Variants in TACC1 observed in about 807,000 individuals in gnomAD.
TACC1 encodes transforming acidic coiled-coil-containing protein 1.
A neutral mutation model predicts 84.4 loss-of-function variants in TACC1; 48 were observed. That is an observed-to-expected ratio of 0.57 (90% CI 0.45 to 0.72). The LOEUF (loss-of-function observed/expected upper bound fraction) is 0.72. Among genes scored for constraint, TACC1 ranks in the 30% least tolerant of loss-of-function variants. The pLI, the probability that TACC1 is intolerant of heterozygous loss-of-function variation, is 0.00. For missense variants in TACC1, 920 were observed against 973.0 expected (o/e 0.95, Z 0.72); for synonymous variants, 372 against 376.3 (o/e 0.99, Z 0.13).
chr8:38,825,205 G>T, intron 3 of TACC1, 103 bp from the exon 4 acceptor site: 1 of 1,196,476 alleles, frequency 8.4e-7, no homozygotes. Context: ...GGTGCTGTAT[G>T]CTTTGGCTTC....
upstream of TACC1, among the ~76,000 whole-genome samples, chr8:38,785,024 G>A (rs7813336): frequency 0.024 from 3,686 of 152,022 alleles, 136 homozygotes; most frequent in African/African-American, 0.077. Flanking sequence ...ATGGATGTTC[G>A]GGGTATAGAA....
At chr8:38,787,824 G>A (rs1040850824) in intron 1 of TACC1, 81 bp downstream of exon 1, 1 of 1,309,782 alleles carries the variant, frequency 7.6e-7, no homozygotes, top group African/African-American at 1.6e-5. Flanking sequence ...CGTGTGTGTG[G>A]TCGCCACCCG....
rs1365793817 is a variant in TACC1, at chr8:38,754,359, C to G, written c.26+8866C>G. On this transcript the variant is annotated intron_variant, in intron 3 of 14. Coordinates refer to the TACC1 transcript ENST00000518415. Reference sequence around the variant, plus strand: ...CGTCCTGTCTACCAGAGAAGGAAAACTTTCCCATTCTCACCCTTTTCTCCT... The same window carrying G: ...CGTCCTGTCTACCAGAGAAGGAAAAGTTTCCCATTCTCACCCTTTTCTCCT... 2.0e-5 allele frequency among the ~76,000 whole-genome samples: 3 copies of G among 152,176 alleles called. No homozygotes were observed. The East Asian group carries it at 5.8e-4, about 29-fold the overall frequency.
intron 3 of TACC1, among the ~76,000 whole-genome samples, chr8:38,768,782 G>A (rs983040352): frequency 7.2e-5 from 11 of 151,812 alleles, no homozygotes; most frequent in African/African-American, 2.4e-4. Context: ...GTGGGCTTAT[G>A]TGAGAGTTGG....
At chr8:38,846,904 T>C (rs1832422806) in intron 12 of TACC1, 85 bp downstream of exon 12, 6 of 1,521,064 alleles carry the variant, frequency 3.9e-6, no homozygotes, top group Admixed American at 4.1e-5. Flanking sequence ...CAGATCTGGG[T>C]GAAAGAGGCC....
Position 38,846,735 on chromosome 8 carries a change from A to G in TACC1, c.2265A>G (p.Ala755=). 2 of 1,614,192 alleles carry G rather than the reference A, an allele frequency of 1.2e-6. No individual in the cohort carries two copies. Among genetic ancestry groups the G allele is most frequent in the Non-Finnish European group, 1.7e-6 (2 of 1,180,030 alleles). Residue 755 remains alanine (A), a synonymous_variant, in exon 12 of 13, where the codon GCA becomes GCG. Transcript: ENST00000317827. Reference sequence around the variant, plus strand: ...AGATTGCTCAGGTTCGAACAAAAGCAAAGGCTGAGAGTGCAGCTCTCCATG... The same window carrying G: ...AGATTGCTCAGGTTCGAACAAAAGCGAAGGCTGAGAGTGCAGCTCTCCATG... ...NEEIAQVRTK[A]KAESAALHAG... is the part of the protein sequence containing the mutation.
intron 3 of TACC1, among the ~76,000 whole-genome samples, chr8:38,761,466 TCAA>T (rs1473230926): frequency 6.6e-6 from 1 of 152,204 alleles, no homozygotes; most frequent in African/African-American, 2.4e-5. Context: ...GAATTTCTGA[TCAA>T]TTAGGTGCTG....
At position 38,820,133 on chromosome 8, in the gene TACC1, A is replaced by G. The variant is rs761127382; in HGVS notation, c.889A>G (p.Thr297Ala). ...CCCTGACCTTAAAGAAACTCCCGGCACTCTCAGTAGTGACACCAACGACTC... is the reference window on the plus strand; with the variant it reads ...CCCTGACCTTAAAGAAACTCCCGGCGCTCTCAGTAGTGACACCAACGACTC... ...SPPDLKETPG[T>A]LSSDTNDSGV... The change falls in exon 3 of 13, where the codon ACT becomes GCT. Residue 297 changes from threonine to alanine, a missense_variant. Thr to Ala is a moderately conservative substitution (Grantham distance 58). Coordinates refer to ENST00000317827, the MANE Select transcript of TACC1 (RefSeq NM_006283.3). 6.2e-6 allele frequency: 10 copies of G among 1,613,876 alleles called. No individual in the cohort carries two copies. In the African/African-American group the frequency reaches 1.2e-4, roughly 19 times the overall value.
intron 3 of TACC1, among the ~76,000 whole-genome samples, chr8:38,781,420 C>T (rs1253456713): frequency 3.3e-5 from 5 of 150,114 alleles, no homozygotes; most frequent in Admixed American, 6.6e-5. Flanking sequence ...CTTGTTCTGT[C>T]CCCCAGGCTG....
chr8:38,747,326 C>T (rs911133446), intron 3 of TACC1, among the ~76,000 whole-genome samples: 1 of 152,156 alleles, frequency 6.6e-6, no homozygotes, highest in Admixed American at 6.5e-5. Context: ...ATACTTTTAC[C>T]ATATGATTCA....
chr8:38,758,528 AAT>A (rs1810555510), intron 3 of TACC1, among the ~76,000 whole-genome samples: 1 of 151,852 alleles, frequency 6.6e-6, no homozygotes, highest in Non-Finnish European at 1.5e-5. Flanking sequence ...AAAATACAAA[AAT>A]TAGCCTAGCA....
intron 3 of TACC1, among the ~76,000 whole-genome samples, chr8:38,779,556 G>A (rs1201071326): frequency 6.6e-6 from 1 of 152,126 alleles, no homozygotes; most frequent in Non-Finnish European, 1.5e-5. Flanking sequence ...GGGCTTTTTT[G>A]GCCAGTACTT....
At position 38,732,075 on chromosome 8, in the gene TACC1, G is replaced by A. The variant is rs1211159373; in HGVS notation, c.-675+3404G>A. Among the ~76,000 whole-genome samples the A allele has an allele frequency of 2.0e-5, 3 of 151,848 alleles. No individual in the cohort carries two copies. In the East Asian group the frequency reaches 5.8e-4, roughly 29 times the overall value. On this transcript the variant is annotated intron_variant, in intron 1 of 14. Transcript: ENST00000518415. ...TGCAGTGAGCCAAGATTGTACCACT[G>A]CACTCCAGCCTGGGTGACAGAGCGA...
rs774691673 is a variant in TACC1 at position 38,842,281 on chromosome 8, T to C, written c.1961-6T>C. 13 of 1,604,576 alleles carry C rather than the reference T, an allele frequency of 8.1e-6. No homozygotes were observed. Among genetic ancestry groups the C allele is most frequent in the Non-Finnish European group, 1.1e-5 (13 of 1,177,596 alleles). On this transcript the variant is annotated splice_region_variant and splice_polypyrimidine_tract_variant and intron_variant, in intron 9 of 12. Transcript: ENST00000317827. Reference sequence around the variant, plus strand: ...TATGTCATTCCTTTTGACTTGTGATTCCCAGAAGATGAACAAAGGACAAGT... The same window carrying C: ...TATGTCATTCCTTTTGACTTGTGATCCCCAGAAGATGAACAAAGGACAAGT...
At chr8:38,787,142 C>CCGCG (rs953562607), upstream of TACC1, 4 of 981,376 alleles carry the variant, frequency 4.1e-6, no homozygotes, top group African/African-American at 1.8e-5. Context: ...GCCGCCGCCC[C>CCGCG]CGCGCGCGCG....
At chr8:38,746,334 T>C (rs1234591990) in intron 3 of TACC1, among the ~76,000 whole-genome samples, 1 of 152,238 alleles carries the variant, frequency 6.6e-6, no homozygotes, top group African/African-American at 2.4e-5. Context: ...AAGGTTTATA[T>C]TAGCTTGACT....
intron 3 of TACC1, among the ~76,000 whole-genome samples, chr8:38,753,708 G>A (rs1809440282): frequency 6.6e-6 from 1 of 152,126 alleles, no homozygotes; most frequent in Non-Finnish European, 1.5e-5. Flanking sequence ...CAAAGCCCCA[G>A]CTGCCATGCC....
At chr8:38,789,627 A>G (rs1487355166) in intron 2 of TACC1, among the ~76,000 whole-genome samples, 2 of 152,162 alleles carry the variant, frequency 1.3e-5, no homozygotes, top group Non-Finnish European at 2.9e-5. Context: ...GGGATAGGGA[A>G]GGCTGAAGGG....
chr8:38,852,592 G>A lies in TACC1; in HGVS notation c.*4569G>A, dbSNP rs558992974. 1 of 152,698 alleles carries A rather than the reference G, an allele frequency of 6.5e-6. No individual in the cohort carries two copies. The highest frequency in any genetic ancestry group is 1.5e-5 in the Non-Finnish European group (1 of 68,066). The allele number at this position is 152,698 out of a possible 1,614,324, so 9.5% of individuals were successfully genotyped here. The stretch of plus-strand genomic sequence containing the variant: ...CCCCAGTCCAGATACAGGGCAGCGT[G>A]TAGGTGACCACACCAGAGCCTCAGC... On this transcript the variant is annotated 3_prime_UTR_variant, in exon 13 of 13. Coordinates refer to ENST00000317827, the MANE Select transcript of TACC1 (RefSeq NM_006283.3).
Sources: allele counts gnomAD v4.1 joint callset (sites outside exome capture counted in the v4.1 genomes callset), GRCh38; gene constraint gnomAD v4.1.1; transcripts MANE v1.5; gene names NCBI Gene and HGNC (gene_info 2026-07-23, HGNC 2026-07-21).